SLBP: variants seen among roughly 807,000 people sequenced by gnomAD.
The protein encoded by SLBP is stem-loop histone mRNA binding protein.
A neutral mutation model predicts 39.2 loss-of-function variants in SLBP; 29 were observed. That is an observed-to-expected ratio of 0.74 (90% CI 0.55 to 1.01). SLBP has a LOEUF of 1.01. Among genes scored for constraint, SLBP ranks in the 50% least tolerant of loss-of-function variants. The pLI is 0.00. For missense variants in SLBP, 390 were observed against 350.2 expected, an observed-to-expected ratio of 1.11 and a Z score of -0.91; for synonymous variants, 129 against 118.7, an observed-to-expected ratio of 1.09 and a Z score of -0.57.
At position 1,693,380 on chromosome 4, in the gene SLBP, G is replaced by A. The variant is rs753664877; in HGVS notation, c.*217C>T. 1 of 475,602 alleles carries A rather than the reference G, an allele frequency of 2.1e-6. No homozygotes were observed. The highest frequency in any genetic ancestry group is 3.8e-6 in the Non-Finnish European group (1 of 262,696). The allele number at this position is 475,602 out of a possible 1,614,324, so 29.5% of individuals were successfully genotyped here. On this transcript the variant is annotated 3_prime_UTR_variant, in exon 8 of 8. Transcript: ENST00000489418. ...GAAGAGAGCTTCAAGTACTTTCTTG[G>A]ACTTAGCTCCATTTACAATTTAAAA...
In SLBP at chr4:1,703,662, C is replaced by T. The variant is rs1385815248; in HGVS notation, c.215G>A (p.Cys72Tyr). The change falls in exon 3 of 8, where the codon TGC (cysteine) becomes TAC (tyrosine). Residue 72 changes from cysteine (C) to tyrosine (Y), a missense_variant. Coordinates refer to ENST00000489418, the MANE Select transcript of SLBP (RefSeq NM_006527.4). ...TPEGPKPRSR[C>Y]SDWASAVEED... ...TTCAACTGCACTTGCCCAGTCAGAG[C>T]ATCTGGAACGGGGTTTAGGGCCTTC... is the stretch of plus-strand genomic sequence containing the variant. The T allele has an allele frequency of 6.2e-7, 1 of 1,613,952 alleles. No individual in the cohort carries two copies.
chr4:1,693,990 A>G lies in SLBP; in HGVS notation c.697-277T>C, dbSNP rs1202628719. Among the ~76,000 whole-genome samples the G allele has an allele frequency of 2.6e-5, 4 of 152,246 alleles. No homozygotes were observed. The East Asian group carries it at 7.7e-4, about 29-fold the overall frequency. On this transcript the variant is annotated intron_variant, in intron 7 of 7. Coordinates refer to ENST00000489418, the MANE Select transcript of SLBP (RefSeq NM_006527.4). ...CTGTGCCTGGCCATGTACATAGTTT[A>G]TAAGCACAGAAAGAATTGTAAAAGC... is the stretch of plus-strand genomic sequence containing the variant.
intron 2 of SLBP, among the ~76,000 whole-genome samples, chr4:1,709,092 T>G (rs1438961997): frequency 6.6e-6 from 1 of 151,892 alleles, no homozygotes; most frequent in Non-Finnish European, 1.5e-5. Context: ...TGAGACAGTT[T>G]CACTCTTATT....
chr4:1,712,312 C>T lies in SLBP; in HGVS notation c.-124G>A, dbSNP rs531869655. ...ACCCGCGTCCCCGCGCCGGCGCTCA[C>T]GAGCTCTGCGCGCCCCGCCCCCAAC... On this transcript the variant is annotated 5_prime_UTR_variant, in exon 1 of 8. It adds an upstream start codon to the 5' untranslated region. Transcript: ENST00000489418. 6.6e-5 allele frequency: 35 copies of T among 534,302 alleles called. No individual in the cohort carries two copies. The East Asian group carries it at 1.4e-3, about 21-fold the overall frequency. The allele number at this position is 534,302 out of a possible 1,614,324, so 33.1% of individuals were successfully genotyped here. A position where few individuals can be genotyped will look rare whatever the true frequency, so the allele number is the denominator to read the frequency against.
intron 5 of SLBP, 77 bp from the exon 6 acceptor site, chr4:1,696,428 T>G: frequency 8.2e-7 from 1 of 1,215,138 alleles, no homozygotes; most frequent in Non-Finnish European, 1.1e-6. Flanking sequence ...TTAACCAAAC[T>G]ATGAGATTAG....
At position 1,693,694 on chromosome 4, in the gene SLBP, G is replaced by C; in HGVS notation, c.716C>G (p.Pro239Arg). The C allele has an allele frequency of 6.2e-7, 1 of 1,612,380 alleles. No individual in the cohort carries two copies. The highest frequency in any genetic ancestry group is 8.5e-7 in the Non-Finnish European group (1 of 1,178,452). ...ACTGTCCATGTGTCTCACCTTGGTG[G>C]GTGTGCCAGAGTACACATCCTGGAA... ...QDDFDVYSGT[P>R]TKVRHMDSQV... The change falls in exon 8 of 8, where the codon CCC becomes CGC. Residue 239 changes from proline to arginine, a missense_variant. By Grantham distance (103) the Pro-to-Arg change is moderately radical (BLOSUM62 -2). Coordinates refer to ENST00000489418, the MANE Select transcript of SLBP (RefSeq NM_006527.4).
At chr4:1,707,750 G>A (rs1456001701) in intron 2 of SLBP, among the ~76,000 whole-genome samples, 1 of 152,036 alleles carries the variant, frequency 6.6e-6, no homozygotes, top group African/African-American at 2.4e-5. Context: ...TTTGAGACCA[G>A]CCTGGCCAAC....
rs534028105 is a variant in SLBP at position 1,697,054 on chromosome 4, C to A, written c.480-703G>T. ...ATGCCTTGAGTCCCAGCTACTCCAGCGGCTGAGGCAGAAGAATTGCTTGAA... is the reference window on the plus strand; with the variant it reads ...ATGCCTTGAGTCCCAGCTACTCCAGAGGCTGAGGCAGAAGAATTGCTTGAA... On this transcript the variant is annotated intron_variant, in intron 5 of 7. Transcript: ENST00000489418. Among the ~76,000 whole-genome samples, 10 of 148,648 alleles carry A rather than the reference C, an allele frequency of 6.7e-5. No homozygotes were observed. The South Asian group carries it at 2.0e-3, about 29-fold the overall frequency.
chr4:1,703,012 C>T (rs1352514494), intron 3 of SLBP, among the ~76,000 whole-genome samples: 1 of 151,772 alleles, frequency 6.6e-6, no homozygotes, highest in African/African-American at 2.4e-5. Flanking sequence ...TTTGGGAGGC[C>T]GAGGTGGGCG....
At chr4:1,701,856 G>C (rs1455581698) in intron 3 of SLBP, among the ~76,000 whole-genome samples, 2 of 152,148 alleles carry the variant, frequency 1.3e-5, no homozygotes, top group Admixed American at 6.5e-5. Context: ...GCAGTGAGCT[G>C]AGATTGCATC....
At chr4:1,705,072 C>G (rs992188064) in intron 2 of SLBP, among the ~76,000 whole-genome samples, 2 of 152,184 alleles carry the variant, frequency 1.3e-5, no homozygotes, top group Non-Finnish European at 2.9e-5. Context: ...AAATTACAGG[C>G]ATGAGCCACC....
At chr4:1,700,110 T>C (rs764570733) in intron 3 of SLBP, 40 bp from the exon 4 acceptor site, 1 of 1,469,992 alleles carries the variant, frequency 6.8e-7, no homozygotes, top group Non-Finnish European at 9.5e-7. Flanking sequence ...AAAAAAGATA[T>C]AAAAATAAAG....
chr4:1,708,881 T>C (rs1411988955), intron 2 of SLBP, among the ~76,000 whole-genome samples: 2 of 152,164 alleles, frequency 1.3e-5, no homozygotes, highest in Non-Finnish European at 2.9e-5. Flanking sequence ...TTCCTATAGT[T>C]TGAGGAATGA....
Position 1,711,499 on chromosome 4 carries a change from G to A in SLBP, c.176+375C>T, listed in dbSNP as rs112200649. 2.2e-3 allele frequency among the ~76,000 whole-genome samples: 333 copies of A among 152,200 alleles called. 1 individual carries two copies. Among genetic ancestry groups the A allele is most frequent in the African/African-American group, 7.5e-3 (312 of 41,514 alleles). ...CCCTCCCTGCACACTGCCTAACCCAGAAAATGGCCAAGCAGGTAAGCCCTG... is the reference window on the plus strand; with the variant it reads ...CCCTCCCTGCACACTGCCTAACCCAAAAAATGGCCAAGCAGGTAAGCCCTG... On this transcript the variant is annotated intron_variant, in intron 2 of 7. Transcript: ENST00000489418.
At chr4:1,694,876 AACTT>A (rs760272965) in intron 6 of SLBP, 36 bp from the exon 7 acceptor site, 12 of 1,464,752 alleles carry the variant, frequency 8.2e-6, no homozygotes, top group Non-Finnish European at 1.1e-5. Flanking sequence ...GTCAGGCACT[AACTT>A]AACAAAGCCA....
rs59715153 is a variant in SLBP, at chr4:1,697,158, TAAAAAA to T, written c.480-813_480-808del. Among the ~76,000 whole-genome samples, 27 of 32,780 alleles carry T rather than the reference TAAAAAA, an allele frequency of 8.2e-4. 1 individual carries two copies. In the East Asian group the frequency reaches 0.018, roughly 21 times the overall value. 21.5% of individuals were successfully genotyped at this position (32,780 alleles called of 152,430 possible). A position where few individuals can be genotyped will look rare whatever the true frequency, so the allele number is the denominator to read the frequency against. ...TGGTCAACAGAGCAAGACTCCACCT[TAAAAAA>T]AAAAAAAAAAAAAAAAAAAAAAAGC... On this transcript the variant is annotated intron_variant, in intron 5 of 7. Transcript: ENST00000489418.
In SLBP at chr4:1,711,965, G is replaced by C; in HGVS notation, c.85C>G (p.Leu29Val). The change falls in exon 2 of 8, where the codon CTG becomes GTG. Residue 29 changes from leucine to valine, a missense_variant. Physicochemically the swap from Leu to Val is conservative, Grantham distance 32 (BLOSUM62 1). Transcript: ENST00000489418. The stretch of plus-strand genomic sequence containing the variant: ...CCGTCGGCTCTGCGCTTCCGTCCCA[G>C]GCTCCATCGCGCGGGGGACGGCGGG... The part of the protein sequence containing the change: ...ASPPSPARWS[L>V]GRKRRADGRR... 4 of 1,313,062 alleles carry C rather than the reference G, an allele frequency of 3.0e-6. No homozygotes were observed. Among genetic ancestry groups the C allele is most frequent in the Non-Finnish European group, 3.9e-6 (4 of 1,032,348 alleles). The allele number at this position is 1,313,062 out of a possible 1,614,324, so 81.3% of individuals were successfully genotyped here.
intron 5 of SLBP, among the ~76,000 whole-genome samples, chr4:1,697,825 G>C (rs944675144): frequency 1.3e-5 from 2 of 152,046 alleles, no homozygotes; most frequent in Non-Finnish European, 2.9e-5. Context: ...GCCTGGACTA[G>C]AGTGAAACTC....
chr4:1,708,085 GA>G (rs35817560), intron 2 of SLBP, among the ~76,000 whole-genome samples: 1,405 of 111,348 alleles, frequency 0.013, 11 homozygotes, highest in East Asian at 0.036. Flanking sequence ...TCTCAAAAAC[GA>G]AAAAAAAAAA....
Sources: gnomAD v4.1 joint callset for allele counts (sites outside exome capture counted in the v4.1 genomes callset) on GRCh38, gnomAD v4.1.1 for gene constraint, MANE v1.5 for transcripts, NCBI Gene and HGNC (gene_info 2026-07-23, HGNC 2026-07-21) for gene names.